The following NRXN3 variants were observed in gnomAD, a reference collection of about 807,000 sequenced individuals.
NRXN3 encodes neurexin 3.
A neutral mutation model predicts 137.6 loss-of-function variants in NRXN3; 32 were observed. The observed-to-expected ratio is 0.23, with a 90% confidence interval of 0.18 to 0.31. The LOEUF is 0.31. Among genes scored for constraint, NRXN3 ranks in the 10% least tolerant of loss-of-function variants. The pLI is 1.00. For synonymous variants in NRXN3, 798 were observed against 784.5 expected, an observed-to-expected ratio of 1.02 and a Z score of -0.29; for missense variants, 1,574 against 2,062.5, an observed-to-expected ratio of 0.76 and a Z score of 4.59.
At chr14:79,691,365 G>A (rs577384862) in intron 17 of NRXN3, among the ~76,000 whole-genome samples, 1 of 152,142 alleles carries the variant, frequency 6.6e-6, no homozygotes, top group South Asian at 2.1e-4. Context: ...GCAGGAGGGA[G>A]AGAGGAAAGG....
intron 4 of NRXN3, among the ~76,000 whole-genome samples, chr14:78,526,036 C>T (rs1483871680): frequency 2.0e-5 from 3 of 152,162 alleles, no homozygotes; most frequent in Admixed American, 2.0e-4. Context: ...CCATGGAACT[C>T]AGGCCACATG....
intron 16 of NRXN3, among the ~76,000 whole-genome samples, chr14:79,588,474 A>T (rs2097778702): frequency 6.6e-6 from 1 of 152,202 alleles, no homozygotes; most frequent in Admixed American, 6.6e-5. Flanking sequence ...TCAGGAGGGA[A>T]AAAAAGGCTG....
intron 4 of NRXN3, among the ~76,000 whole-genome samples, chr14:78,582,031 C>T (rs984100501): frequency 6.6e-6 from 1 of 152,202 alleles, no homozygotes; most frequent in African/African-American, 2.4e-5. Context: ...CATCATCCTG[C>T]TTCATGTTGT....
chr14:79,793,647 C>T (rs1413638833), intron 19 of NRXN3, among the ~76,000 whole-genome samples: 1 of 152,028 alleles, frequency 6.6e-6, no homozygotes, highest in Admixed American at 6.5e-5. Context: ...GCCCAAAAAT[C>T]CAGAAAAAAA....
intron 4 of NRXN3, among the ~76,000 whole-genome samples, chr14:78,634,372 A>ACC (rs1204918234): frequency 6.6e-6 from 1 of 152,212 alleles, no homozygotes. Context: ...GTCTTTACTT[A>ACC]ACAAATTCTG....
chr14:79,634,881 C>T (rs970185098), intron 16 of NRXN3, among the ~76,000 whole-genome samples: 3 of 152,174 alleles, frequency 2.0e-5, no homozygotes, highest in Admixed American at 6.5e-5. Flanking sequence ...CTAAGATCGA[C>T]CTTTTTAGAT....
At chr14:79,855,519 TTTTC>T (rs910291840) in intron 20 of NRXN3, among the ~76,000 whole-genome samples, 35 of 152,308 alleles carry the variant, frequency 2.3e-4, no homozygotes, top group African/African-American at 8.2e-4. Flanking sequence ...CATTAAAATA[TTTTC>T]TTTCTATGAA....
Position 78,327,443 on chromosome 14 carries a change from A to G in NRXN3, c.757+29583A>G, listed in dbSNP as rs1210283689. Reference sequence around the variant, plus strand: ...TAGCTTCTTAGGAGCTTTTTGTAGCAATTCCTGCTGCATTTGCTGATGAAT... The same window carrying G: ...TAGCTTCTTAGGAGCTTTTTGTAGCGATTCCTGCTGCATTTGCTGATGAAT... On this transcript the variant is annotated intron_variant, in intron 4 of 20. Transcript: ENST00000335750. Among the ~76,000 whole-genome samples the G allele has an allele frequency of 3.3e-5, 5 of 152,162 alleles. 1 individual carries two copies. In the South Asian group the frequency reaches 1.0e-3, roughly 32 times the overall value.
chr14:78,731,844 T>G (rs1477519877), intron 8 of NRXN3, among the ~76,000 whole-genome samples: 2 of 152,126 alleles, frequency 1.3e-5, no homozygotes, highest in East Asian at 3.8e-4. Context: ...AATTCAGTGT[T>G]ATATGATCTT....
chr14:78,880,161 A>G (rs1381190077), intron 10 of NRXN3, among the ~76,000 whole-genome samples: 1 of 133,600 alleles, frequency 7.5e-6, no homozygotes, highest in African/African-American at 3.3e-5. Context: ...AATGGCATGA[A>G]CCCGGGAGGC....
chr14:79,786,360 T>C (rs377455869), intron 19 of NRXN3, among the ~76,000 whole-genome samples: 2 of 152,320 alleles, frequency 1.3e-5, no homozygotes, highest in African/African-American at 4.8e-5. Flanking sequence ...ATGATATAAA[T>C]AGAGATACAC....
In NRXN3 at chr14:79,863,502, T is replaced by A. The variant is rs927034486; in HGVS notation, c.*1538T>A. 1.4e-5 allele frequency: 2 copies of A among 147,394 alleles called. No individual in the cohort carries two copies. The highest frequency in any genetic ancestry group is 5.4e-5 in the African/African-American group (2 of 37,368). 9.1% of individuals were successfully genotyped at this position (147,394 alleles called of 1,614,324 possible). Reference sequence around the variant, plus strand: ...GAATTTTAGTTTTGTCACAGTTAACTGTGTCAAAGAGAATTAAAAAAAAAA... The same window carrying A: ...GAATTTTAGTTTTGTCACAGTTAACAGTGTCAAAGAGAATTAAAAAAAAAA... On this transcript the variant is annotated 3_prime_UTR_variant, in exon 21 of 21. Transcript: ENST00000335750.
At chr14:78,473,295 G>A (rs989369920) in intron 4 of NRXN3, among the ~76,000 whole-genome samples, 12 of 151,714 alleles carry the variant, frequency 7.9e-5, no homozygotes, top group African/African-American at 1.9e-4. Flanking sequence ...CCAGCTACTC[G>A]GGAGGCTGAG....
At chr14:78,293,735 A>G (rs560351947) in intron 3 of NRXN3, among the ~76,000 whole-genome samples, 2 of 152,286 alleles carry the variant, frequency 1.3e-5, no homozygotes, top group South Asian at 2.1e-4. Context: ...AATGTCTCCC[A>G]TCAATGACAA....
chr14:79,829,734 C>A (rs1038019652), intron 20 of NRXN3, among the ~76,000 whole-genome samples: 6 of 152,134 alleles, frequency 3.9e-5, no homozygotes, highest in Admixed American at 6.5e-5. Context: ...AAGTGAGTAT[C>A]TTTTCAGTGG....
Position 79,867,610 on chromosome 14 carries a change from G to A in NRXN3, c.*5646G>A, listed in dbSNP as rs1044984058. Reference sequence around the variant, plus strand: ...CTACCTCCCAATACAGTCATGTTTGGGGTTGGGACTTCAACATATGAATGT... The same window carrying A: ...CTACCTCCCAATACAGTCATGTTTGAGGTTGGGACTTCAACATATGAATGT... On this transcript the variant is annotated 3_prime_UTR_variant, in exon 21 of 21. Coordinates refer to ENST00000335750, the MANE Select transcript of NRXN3 (RefSeq NM_001330195.2). 1.3e-5 allele frequency: 2 copies of A among 152,142 alleles called. No individual in the cohort carries two copies. Among genetic ancestry groups the A allele is most frequent in the Non-Finnish European group, 2.9e-5 (2 of 68,052 alleles). 9.4% of individuals were successfully genotyped at this position (152,142 alleles called of 1,614,324 possible).
intron 4 of NRXN3, among the ~76,000 whole-genome samples, chr14:78,358,913 A>G (rs1251844999): frequency 6.6e-6 from 1 of 152,216 alleles, no homozygotes; most frequent in Non-Finnish European, 1.5e-5. Context: ...GGGGCCTCGC[A>G]GGAATTTAGC....
At chr14:79,532,100 C>T (rs1473471617) in intron 16 of NRXN3, among the ~76,000 whole-genome samples, 3 of 152,108 alleles carry the variant, frequency 2.0e-5, no homozygotes, top group Admixed American at 2.0e-4. Flanking sequence ...TCTTTCCCTG[C>T]CTTCTCTTCT....
intron 8 of NRXN3, among the ~76,000 whole-genome samples, chr14:78,723,431 C>T (rs1056572682): frequency 1.3e-5 from 2 of 152,226 alleles, no homozygotes; most frequent in African/African-American, 4.8e-5. Flanking sequence ...AGGGTTTGGC[C>T]ATGGAAGCCT....
Sources: gnomAD v4.1 joint callset for allele counts (sites outside exome capture counted in the v4.1 genomes callset) on GRCh38, gnomAD v4.1.1 for gene constraint, MANE v1.5 for transcripts, NCBI Gene and HGNC (gene_info 2026-07-23, HGNC 2026-07-21) for gene names.